Variants in PTPRG observed in about 807,000 individuals in gnomAD.
The protein encoded by PTPRG is receptor-type tyrosine-protein phosphatase gamma.
PTPRG carries 102 observed loss-of-function variants against 165.3 expected under a neutral mutation model. That is an observed-to-expected ratio of 0.62 (90% CI 0.53 to 0.73). The LOEUF (loss-of-function observed/expected upper bound fraction) is 0.73. PTPRG is among the 30% of genes least tolerant of loss of function. PTPRG has a pLI of 0.00. For missense variants in PTPRG, 1,866 were observed against 1,861.4 expected (o/e 1.00, Z -0.05); for synonymous variants, 675 against 669.5 (o/e 1.01, Z -0.13).
chr3:62,010,107 CA>C (rs1264091865), intron 4 of PTPRG, among the ~76,000 whole-genome samples: 2 of 152,012 alleles, frequency 1.3e-5, no homozygotes, highest in African/African-American at 4.8e-5. Flanking sequence ...TTTGTAGAGA[CA>C]AGGTCTTGCT....
intron 4 of PTPRG, among the ~76,000 whole-genome samples, chr3:62,065,846 C>T (rs188782688): frequency 1.1e-4 from 17 of 152,304 alleles, no homozygotes; most frequent in Admixed American, 9.8e-4. Context: ...GTTGACCCAG[C>T]TAACCTTAAA....
At chr3:61,730,194 T>C (rs2032435652) in intron 1 of PTPRG, among the ~76,000 whole-genome samples, 1 of 152,204 alleles carries the variant, frequency 6.6e-6, no homozygotes. Context: ...AACCAGGGGC[T>C]TGTCCTGCTG....
At chr3:61,721,581 A>G (rs1467121649) in intron 1 of PTPRG, among the ~76,000 whole-genome samples, 1 of 152,220 alleles carries the variant, frequency 6.6e-6, no homozygotes, top group Admixed American at 6.5e-5. Flanking sequence ...CAAGAAGAAC[A>G]TTATATTTTT....
rs751739276 is a variant in PTPRG at position 61,562,287 on chromosome 3, C to G, written c.-1C>G. On this transcript the variant is annotated 5_prime_UTR_variant, in exon 1 of 30. Coordinates refer to ENST00000474889, the MANE Select transcript of PTPRG (RefSeq NM_002841.4). ...CCTCTTTTCGATGTGCGTTTTCGGA[C>G]ATGCGGAGGTTACTGGAACCGTGTT... 2 of 1,613,404 alleles carry G rather than the reference C, an allele frequency of 1.2e-6. No homozygotes were observed. The highest frequency in any genetic ancestry group is 2.2e-5 in the South Asian group (2 of 91,082).
chr3:61,724,161 A>G (rs1275489168), intron 1 of PTPRG, among the ~76,000 whole-genome samples: 1 of 148,890 alleles, frequency 6.7e-6, no homozygotes, highest in Non-Finnish European at 1.5e-5. Context: ...GGTTGCAGTG[A>G]GCTGAGATCA....
At position 62,151,291 on chromosome 3, in the gene PTPRG, T is replaced by C. The variant is rs116806981; in HGVS notation, c.683-5776T>C. On this transcript the variant is annotated intron_variant, in intron 6 of 29. Coordinates refer to ENST00000474889, the MANE Select transcript of PTPRG (RefSeq NM_002841.4). ...CTAATTGATAAGAAAAATTTAATCA[T>C]CTTCAGATATAAACCCTTTGCATTC... Among the ~76,000 whole-genome samples the C allele has an allele frequency of 3.3e-3, 504 of 152,342 alleles. 4 individuals carry two copies. The highest frequency in any genetic ancestry group is 0.011 in the African/African-American group (478 of 41,584).
intron 26 of PTPRG, among the ~76,000 whole-genome samples, chr3:62,278,654 C>T (rs1403012811): frequency 6.6e-6 from 1 of 152,038 alleles, no homozygotes; most frequent in East Asian, 1.9e-4. Context: ...ATGCATTTGA[C>T]TGTGTGCCCA....
chr3:61,949,067 C>T (rs954316543), intron 2 of PTPRG, among the ~76,000 whole-genome samples: 1 of 149,120 alleles, frequency 6.7e-6, no homozygotes, highest in African/African-American at 2.5e-5. Context: ...AGCCATGGGA[C>T]CTTAGCATGT....
At chr3:61,942,852 C>G (rs757109247) in intron 2 of PTPRG, among the ~76,000 whole-genome samples, 3 of 152,180 alleles carry the variant, frequency 2.0e-5, no homozygotes, top group African/African-American at 4.8e-5. Flanking sequence ...AAACTTCCTT[C>G]CCAAACATGA....
At chr3:61,912,985 G>A (rs1208606469) in intron 2 of PTPRG, among the ~76,000 whole-genome samples, 1 of 152,182 alleles carries the variant, frequency 6.6e-6, no homozygotes, top group Non-Finnish European at 1.5e-5. Flanking sequence ...GGACAGCTGG[G>A]CAGGCTGCTC....
At chr3:61,579,442 C>T (rs960889454) in intron 1 of PTPRG, among the ~76,000 whole-genome samples, 1 of 152,214 alleles carries the variant, frequency 6.6e-6, no homozygotes, top group East Asian at 1.9e-4. Context: ...CTAACACAAA[C>T]CATTTTTTGA....
At chr3:62,010,937 T>G (rs750461764) in intron 4 of PTPRG, among the ~76,000 whole-genome samples, 37 of 152,154 alleles carry the variant, frequency 2.4e-4, no homozygotes, top group Non-Finnish European at 4.7e-4. Context: ...CAGGAAAAAT[T>G]AGGCACGTGG....
rs73842125 is a variant in PTPRG, at chr3:61,901,644, A to G, written c.191-87981A>G. ...TTTTGTACTGTCTATTGACTGGGCT[A>G]AGCGTTAATAGCATCCCAGATTCTT... On this transcript the variant is annotated intron_variant, in intron 2 of 29. Transcript: ENST00000474889. 8.0e-3 allele frequency among the ~76,000 whole-genome samples: 1,224 copies of G among 152,274 alleles called. 12 individuals are homozygous for G. Among genetic ancestry groups the G allele is most frequent in the African/African-American group, 0.028 (1,155 of 41,562 alleles).
chr3:61,975,483 T>C (rs56387783), intron 2 of PTPRG, among the ~76,000 whole-genome samples: 15,843 of 152,216 alleles, frequency 0.1, 902 homozygotes, highest in Middle Eastern at 0.14. Context: ...TATGTTTTAT[T>C]TCTAATGAGG....
chr3:61,647,148 A>G (rs1702221442), intron 1 of PTPRG, among the ~76,000 whole-genome samples: 2 of 152,218 alleles, frequency 1.3e-5, no homozygotes, highest in South Asian at 2.1e-4. Context: ...GCTGGGTCGT[A>G]TAGTAAGTAC....
chr3:61,619,423 T>G (rs528878232), intron 1 of PTPRG, among the ~76,000 whole-genome samples: 2 of 152,308 alleles, frequency 1.3e-5, no homozygotes, highest in South Asian at 4.1e-4. Context: ...CATTTTCGAC[T>G]GTCAGGACTG....
chr3:61,667,145 C>T (rs1318852091), intron 1 of PTPRG, among the ~76,000 whole-genome samples: 1 of 152,162 alleles, frequency 6.6e-6, no homozygotes, highest in African/African-American at 2.4e-5. Context: ...CCAGTGACCC[C>T]AAATCATAAC....
chr3:62,161,415 C>G (rs1365385903), intron 7 of PTPRG, among the ~76,000 whole-genome samples: 1 of 152,186 alleles, frequency 6.6e-6, no homozygotes, highest in Non-Finnish European at 1.5e-5. Context: ...ACAATATTAT[C>G]ACTGCAAATG....
At chr3:61,763,569 CCA>C (rs377346929) in intron 2 of PTPRG, among the ~76,000 whole-genome samples, 8 of 149,038 alleles carry the variant, frequency 5.4e-5, no homozygotes, top group Non-Finnish European at 1.0e-4. Context: ...TGGGGTTTCA[CCA>C]TGTTGGCCAG....
Sources: allele counts gnomAD v4.1 joint callset (sites outside exome capture counted in the v4.1 genomes callset), GRCh38; gene constraint gnomAD v4.1.1; transcripts MANE v1.5; gene names NCBI Gene and HGNC (gene_info 2026-07-23, HGNC 2026-07-21).